Variants in ACVRL1 observed in about 807,000 individuals in gnomAD.
The protein encoded by ACVRL1 is activin A receptor like type 1.
Under a neutral mutation model 51.9 loss-of-function variants are expected in ACVRL1, and 20 were observed. That is an observed-to-expected ratio of 0.39 (90% CI 0.27 to 0.56). ACVRL1 has a LOEUF of 0.56. Among genes scored for constraint, ACVRL1 ranks in the 20% least tolerant of loss-of-function variants. ACVRL1 has a pLI of 0.67. For synonymous variants in ACVRL1, 288 were observed against 280.9 expected (o/e 1.03, Z -0.25); for missense variants, 451 against 670.3 (o/e 0.67, Z 3.61).
intron 5 of ACVRL1, 27 bp from the exon 6 acceptor site, chr12:51,914,412 A>C: frequency 6.2e-7 from 1 of 1,613,826 alleles, no homozygotes; most frequent in Non-Finnish European, 8.5e-7. Flanking sequence ...CCAGTGTGTA[A>C]CCCTCACCTT....
chr12:51,915,087 C>T (rs756965193), intron 6 of ACVRL1, 138 bp from the exon 7 acceptor site: 21 of 991,424 alleles, frequency 2.1e-5, no homozygotes, highest in Non-Finnish European at 3.3e-5. Context: ...ACCTAAGCCA[C>T]ATCAACCCCC....
chr12:51,909,787 A>G (rs1940655708), intron 1 of ACVRL1, among the ~76,000 whole-genome samples: 1 of 152,264 alleles, frequency 6.6e-6, no homozygotes, highest in South Asian at 2.1e-4. Context: ...ATTAAATCAG[A>G]TAAACCATTC....
intron 4 of ACVRL1, 60 bp downstream of exon 4, chr12:51,913,830 C>A: frequency 6.3e-7 from 1 of 1,593,552 alleles, no homozygotes. Context: ...ACTGCAGAAT[C>A]AGAGGGGTCA....
In ACVRL1 at chr12:51,916,164, T is replaced by C. The variant is rs755922974; in HGVS notation, c.1177T>C (p.Tyr393His). The C allele has an allele frequency of 3.7e-6, 6 of 1,614,092 alleles. No individual in the cohort carries two copies. The highest frequency in any genetic ancestry group is 5.1e-6 in the Non-Finnish European group (6 of 1,180,052). The stretch of plus-strand genomic sequence containing the variant: ...GATCCGCACGGACTGCTTTGAGTCC[T>C]ACAAGTGGACTGACATCTGGGCCTT... Reference protein sequence around the residue: ...EQIRTDCFESYKWTDIWAFGL... With the variant: ...EQIRTDCFESHKWTDIWAFGL... The change falls in exon 8 of 10, where the codon TAC becomes CAC. Residue 393 changes from tyrosine to histidine, a missense_variant. Tyr to His is a moderately conservative substitution (Grantham distance 83). Transcript: ENST00000388922.
At chr12:51,912,341 G>A in intron 1 of ACVRL1, 129 bp from the exon 2 acceptor site, 1 of 987,114 alleles carries the variant, frequency 1.0e-6, no homozygotes, top group Non-Finnish European at 1.6e-6. Flanking sequence ...GCGGCAGGGA[G>A]TAGGGAGGCG....
upstream of ACVRL1, among the ~76,000 whole-genome samples, chr12:51,907,192 G>T (rs1271270315): frequency 6.6e-6 from 1 of 151,924 alleles, no homozygotes; most frequent in Non-Finnish European, 1.5e-5. This position sits in a 1 kb window ranked among gnomAD's most constrained non-coding sequence, Gnocchi z 4.5. Context: ...GACCCCACGG[G>T]ACCCCTATGG....
At chr12:51,914,294 T>A in intron 5 of ACVRL1, 145 bp from the exon 6 acceptor site, 1 of 1,345,794 alleles carries the variant, frequency 7.4e-7, no homozygotes, top group East Asian at 2.5e-5. Flanking sequence ...TGCCACTGGG[T>A]TTGGGTCTGG....
intron 1 of ACVRL1, among the ~76,000 whole-genome samples, chr12:51,910,897 A>G (rs1054154238): frequency 4.6e-5 from 7 of 152,318 alleles, no homozygotes; most frequent in African/African-American, 1.7e-4. Context: ...AAGCCCAGGC[A>G]GGAAGGCCAG....
chr12:51,909,080 G>A (rs1940645592), intron 1 of ACVRL1, among the ~76,000 whole-genome samples: 1 of 152,222 alleles, frequency 6.6e-6, no homozygotes, highest in Admixed American at 6.5e-5. Context: ...CCAGAAGGTT[G>A]TGCTTGATAT....
Position 51,913,221 on chromosome 12 carries a change from C to G in ACVRL1, c.184C>G (p.His62Asp). The G allele has an allele frequency of 6.3e-7, 1 of 1,589,906 alleles. No individual in the cohort carries two copies. Among genetic ancestry groups the G allele is most frequent in the Non-Finnish European group, 8.6e-7 (1 of 1,168,706 alleles). Residue 62 changes from histidine (H) to aspartate (D), a missense_variant, in exon 3 of 10, where the codon CAC (histidine) becomes GAC (aspartate). Physicochemically the swap from His to Asp is moderately conservative, Grantham distance 81. Around this residue, in one of 2 missense-constraint regions of ACVRL1, gnomAD observed 192 missense variants for 216.9 expected, o/e 0.89. Coordinates refer to ENST00000388922, the MANE Select transcript of ACVRL1 (RefSeq NM_000020.3). Reference protein sequence around the residue: ...TVVLVREEGRHPQEHRGCGNL... With the variant: ...TVVLVREEGRDPQEHRGCGNL... ...AGTGCTGGTGCGGGAGGAGGGGAGG[C>G]ACCCCCAGGAACATCGGGGCTGCGG...
chr12:51,914,370 A>G, intron 5 of ACVRL1, 69 bp from the exon 6 acceptor site: 3 of 1,608,168 alleles, frequency 1.9e-6, no homozygotes, highest in Non-Finnish European at 2.6e-6. Context: ...GCGCAGCATC[A>G]AGATGGGGGG....
At chr12:51,910,829 C>G (rs756532134) in intron 1 of ACVRL1, among the ~76,000 whole-genome samples, 2 of 152,192 alleles carry the variant, frequency 1.3e-5, no homozygotes, top group Non-Finnish European at 2.9e-5. Context: ...GCTGGGGACA[C>G]AGCTGCAGCA....
rs1131691686 is a variant in ACVRL1, at chr12:51,916,122, G to A, written c.1135G>A (p.Glu379Lys). 6.2e-7 allele frequency: 1 copy of A among 1,613,932 alleles called. No individual in the cohort carries two copies. The highest frequency in any genetic ancestry group is 1.1e-5 in the South Asian group (1 of 91,076). Residue 379 changes from glutamate to lysine, a missense_variant, in exon 8 of 10, where the codon GAG (glutamate) becomes AAG (lysine). Glu to Lys is a moderately conservative substitution (Grantham distance 56). Transcript: ENST00000388922. ...GGGCACCAAGCGGTACATGGCACCC[G>A]AGGTGCTGGACGAGCAGATCCGCAC... ...RVGTKRYMAP[E>K]VLDEQIRTDC...
Position 51,922,064 on chromosome 12 carries a change from A to G in ACVRL1, c.*1171A>G, listed in dbSNP as rs1399639377. 3 of 152,078 alleles carry G rather than the reference A, an allele frequency of 2.0e-5. No homozygotes were observed. The highest frequency in any genetic ancestry group is 2.9e-5 in the Non-Finnish European group (2 of 68,030). The allele number at this position is 152,078 out of a possible 1,614,324, so 9.4% of individuals were successfully genotyped here. Reference sequence around the variant, plus strand: ...TTGTTTCTTATCTACATATTGGAAGATTTGGTCCTGATGTCCTTTGAGGCT... The same window carrying G: ...TTGTTTCTTATCTACATATTGGAAGGTTTGGTCCTGATGTCCTTTGAGGCT... On this transcript the variant is annotated 3_prime_UTR_variant, in exon 10 of 10. Coordinates refer to ENST00000388922, the MANE Select transcript of ACVRL1 (RefSeq NM_000020.3).
intron 1 of ACVRL1, among the ~76,000 whole-genome samples, chr12:51,912,076 A>C (rs1021593889): frequency 4.6e-5 from 7 of 152,114 alleles, no homozygotes; most frequent in Non-Finnish European, 1.5e-5. Flanking sequence ...CAGGGGTGGA[A>C]GCTGTGAGGG....
intron 7 of ACVRL1, 162 bp downstream of exon 7, chr12:51,915,662 C>G (rs1940819251): frequency 4.1e-6 from 4 of 977,940 alleles, no homozygotes; most frequent in Admixed American, 5.6e-5. Flanking sequence ...GTCTGAACAC[C>G]CTTTTCAAAC....
At chr12:51,918,066 A>G (rs1390091351) in intron 8 of ACVRL1, among the ~76,000 whole-genome samples, 2 of 152,220 alleles carry the variant, frequency 1.3e-5, no homozygotes, top group Non-Finnish European at 2.9e-5. Flanking sequence ...CTGTGTGGCC[A>G]TGGCCCCCAG....
intron 8 of ACVRL1, among the ~76,000 whole-genome samples, chr12:51,918,492 A>T (rs576957734): frequency 8.5e-5 from 13 of 152,336 alleles, no homozygotes; most frequent in African/African-American, 2.9e-4. Context: ...AGTGCTCAGT[A>T]AACATTTGGT....
intron 1 of ACVRL1, among the ~76,000 whole-genome samples, chr12:51,910,215 G>A (rs1940662171): frequency 6.6e-6 from 1 of 152,190 alleles, no homozygotes; most frequent in African/African-American, 2.4e-5. Flanking sequence ...TCCCAGCTTT[G>A]GTGTTTACCC....
Sources: gnomAD v4.1 joint callset for allele counts (sites outside exome capture counted in the v4.1 genomes callset) on GRCh38, gnomAD v4.1.1 for gene constraint, gnomAD v4.1.1 regional missense constraint, Gnocchi (gnomAD v3.1) non-coding constraint, MANE v1.5 for transcripts, NCBI Gene and HGNC (gene_info 2026-07-23, HGNC 2026-07-21) for gene names.